DAB1: variants seen among roughly 807,000 people sequenced by gnomAD.
The protein encoded by DAB1 is DAB adaptor protein 1, also known as disabled homolog 1.
A neutral mutation model predicts 64.6 loss-of-function variants in DAB1; 15 were observed. The ratio of observed to expected loss-of-function variants is 0.23; its 90% CI spans 0.16 to 0.36. DAB1 has a LOEUF of 0.36. DAB1 is among the 10% of genes least tolerant of loss of function. The pLI is 1.00. For missense variants in DAB1, 596 were observed against 706.7 expected (o/e 0.84, Z 1.78); for synonymous variants, 235 against 251.9 (o/e 0.93, Z 0.64).
intron 1 of DAB1, among the ~76,000 whole-genome samples, chr1:57,323,622 C>G (rs981985280): frequency 6.6e-6 from 1 of 152,150 alleles, no homozygotes; most frequent in South Asian, 2.1e-4. Flanking sequence ...AGGGCAGGAT[C>G]AAACTCAGCT....
chr1:57,908,413 C>T (rs368027050), intron 5 of DAB1, among the ~76,000 whole-genome samples: 8 of 152,094 alleles, frequency 5.3e-5, no homozygotes, highest in Non-Finnish European at 8.8e-5. Flanking sequence ...TATTGCTTAA[C>T]GCTAGAGAGA....
At chr1:57,308,454 G>A (rs947218697) in intron 1 of DAB1, among the ~76,000 whole-genome samples, 2 of 152,124 alleles carry the variant, frequency 1.3e-5, no homozygotes, top group African/African-American at 4.8e-5. Context: ...AAAATTTTAT[G>A]AAAGCTGTGA....
At chr1:57,820,414 A>G (rs1652063951) in intron 6 of DAB1, among the ~76,000 whole-genome samples, 1 of 152,128 alleles carries the variant, frequency 6.6e-6, no homozygotes, top group African/African-American at 2.4e-5. Flanking sequence ...TTATGGTGAA[A>G]AGCTTAGTCA....
intron 2 of DAB1, among the ~76,000 whole-genome samples, chr1:57,159,310 T>C (rs1660519778): frequency 6.6e-6 from 1 of 152,192 alleles, no homozygotes; most frequent in African/African-American, 2.4e-5. Context: ...ACCCTTAGAC[T>C]ATCTCCTAGC....
chr1:57,686,281 C>T (rs1459593438), intron 6 of DAB1, among the ~76,000 whole-genome samples: 1 of 152,082 alleles, frequency 6.6e-6, no homozygotes, highest in African/African-American at 2.4e-5. Context: ...TCTATGCACA[C>T]AAATTAGAAA....
chr1:58,023,290 A>G (rs867457675), intron 5 of DAB1, among the ~76,000 whole-genome samples: 5 of 152,182 alleles, frequency 3.3e-5, no homozygotes, highest in Admixed American at 2.6e-4. Context: ...GCCCACAGCC[A>G]GAAACACACA....
intron 7 of DAB1, among the ~76,000 whole-genome samples, chr1:57,493,562 CGTTGGGCT>C (rs1323588730): frequency 1.3e-5 from 2 of 152,058 alleles, no homozygotes; most frequent in African/African-American, 4.8e-5. Flanking sequence ...TTGCTTCCAC[CGTTGGGCT>C]ACTGAGAAAA....
At chr1:57,337,873 CTCCCCTCCCTTCCCTTCCCTTCCCT>C (rs1294351871) in intron 1 of DAB1, among the ~76,000 whole-genome samples, 1 of 147,974 alleles carries the variant, frequency 6.8e-6, no homozygotes, top group Non-Finnish European at 1.5e-5. Context: ...CTTCCCTCCC[CTCCCCTCCCTTCCCTTCCCTTCCCT>C]TCCCTTCCCT....
chr1:57,990,390 GATTTA>G (rs1469569721), intron 5 of DAB1, among the ~76,000 whole-genome samples: 2 of 152,184 alleles, frequency 1.3e-5, no homozygotes, highest in Non-Finnish European at 2.9e-5. Context: ...AGCCCAACTT[GATTTA>G]ATTTATCCCC....
At chr1:58,471,129 C>T (rs892040806) in intron 3 of DAB1, among the ~76,000 whole-genome samples, 9 of 152,160 alleles carry the variant, frequency 5.9e-5, no homozygotes, top group Non-Finnish European at 7.3e-5. Flanking sequence ...TCTCACTTCA[C>T]AAAAAGTTTT....
intron 1 of DAB1, among the ~76,000 whole-genome samples, chr1:57,330,930 T>C (rs79858138): frequency 0.01 from 1,584 of 152,264 alleles, 29 homozygotes; most frequent in African/African-American, 0.035. Context: ...GTCTCATCTC[T>C]GTAGAGCCAC....
intron 4 of DAB1, among the ~76,000 whole-genome samples, chr1:58,335,650 G>C (rs796419130): frequency 4.6e-5 from 7 of 151,882 alleles, no homozygotes; most frequent in African/African-American, 1.5e-4. Context: ...TTGGTGTTTG[G>C]GGGCAGGGTG....
At chr1:57,378,973 C>T (rs1681136276) in intron 1 of DAB1, among the ~76,000 whole-genome samples, 1 of 152,152 alleles carries the variant, frequency 6.6e-6, no homozygotes, top group South Asian at 2.1e-4. Flanking sequence ...AGCACTGGAG[C>T]AAATGTCAAA....
intron 7 of DAB1, among the ~76,000 whole-genome samples, chr1:57,510,932 C>A (rs1209142037): frequency 1.3e-5 from 2 of 152,182 alleles, no homozygotes; most frequent in African/African-American, 2.4e-5. Context: ...GCATGAGCCA[C>A]CGCTCCTAGC....
At chr1:57,569,054 C>T (rs1286161279) in intron 7 of DAB1, among the ~76,000 whole-genome samples, 1 of 150,850 alleles carries the variant, frequency 6.6e-6, no homozygotes, top group East Asian at 2.0e-4. Context: ...GTCAGGAGAT[C>T]GAGACCATCC....
chr1:58,091,943 C>CAT (rs1650686633), intron 5 of DAB1, among the ~76,000 whole-genome samples: 1 of 149,936 alleles, frequency 6.7e-6, no homozygotes, highest in Admixed American at 6.7e-5. Context: ...TAAACACACA[C>CAT]ACACACACAC....
At chr1:57,134,109 T>C (rs1261974687) in intron 4 of DAB1, among the ~76,000 whole-genome samples, 1 of 152,202 alleles carries the variant, frequency 6.6e-6, no homozygotes, top group African/African-American at 2.4e-5. Context: ...GTTGCTTGAA[T>C]ACCCCCAGCG....
intron 4 of DAB1, among the ~76,000 whole-genome samples, chr1:58,290,539 T>G (rs1277542226): frequency 6.6e-6 from 1 of 152,134 alleles, no homozygotes; most frequent in Non-Finnish European, 1.5e-5. Flanking sequence ...TTATCTAATC[T>G]ATATGTCACA....
At chr1:57,316,048 A>G (rs969934842) in intron 1 of DAB1, among the ~76,000 whole-genome samples, 2 of 152,176 alleles carry the variant, frequency 1.3e-5, no homozygotes, top group African/African-American at 4.8e-5. Context: ...CTGTAGACAA[A>G]AGCTTAAATT....
Sources: allele counts gnomAD v4.1 joint callset (sites outside exome capture counted in the v4.1 genomes callset), GRCh38; gene constraint gnomAD v4.1.1; transcripts MANE v1.5; gene names NCBI Gene and HGNC (gene_info 2026-07-23, HGNC 2026-07-21).